Variants in ARHGEF10 observed in about 807,000 individuals in gnomAD.
The protein encoded by ARHGEF10 is Rho guanine nucleotide exchange factor (GEF) 10.
In ARHGEF10, 140 loss-of-function variants were observed where a neutral mutation model predicts 147.4. The ratio of observed to expected loss-of-function variants is 0.95; its 90% confidence interval spans 0.83 to 1.09. ARHGEF10 has a LOEUF of 1.09. ARHGEF10 is among the 50% of genes least tolerant of loss of function. The pLI is 0.00. For missense variants in ARHGEF10, 2,222 were observed against 1,752.7 expected, an observed-to-expected ratio of 1.27 and a Z score of -4.78; for synonymous variants, 902 against 695.8, an observed-to-expected ratio of 1.30 and a Z score of -4.67.
Position 1,921,628 on chromosome 8 carries a change from G to A in ARHGEF10, c.2144-1336G>A, listed in dbSNP as rs777459345. 9.9e-5 allele frequency among the ~76,000 whole-genome samples: 15 copies of A among 152,160 alleles called. 1 individual carries two copies. Among genetic ancestry groups the A allele is most frequent in the South Asian group, 2.1e-4 (1 of 4,822 alleles). ...AGGTGACTGTAGTCCCAGCTTATTCGGGAGGCTGAGGCAGGAGAATCGTTT... is the reference window on the plus strand; with the variant it reads ...AGGTGACTGTAGTCCCAGCTTATTCAGGAGGCTGAGGCAGGAGAATCGTTT... On this transcript the variant is annotated intron_variant, in intron 18 of 28. Coordinates refer to ENST00000349830, the MANE Select transcript of ARHGEF10 (RefSeq NM_014629.4).
At chr8:1,829,649 AG>A (rs1032853987) in intron 1 of ARHGEF10, among the ~76,000 whole-genome samples, 59 of 152,206 alleles carry the variant, frequency 3.9e-4, no homozygotes, top group African/African-American at 1.4e-3. Flanking sequence ...CTTGCAGAGC[AG>A]GGCTGAGGAG....
At chr8:1,924,916 C>T (rs1490276920) in intron 21 of ARHGEF10, among the ~76,000 whole-genome samples, 1 of 152,126 alleles carries the variant, frequency 6.6e-6, no homozygotes, top group Non-Finnish European at 1.5e-5. Flanking sequence ...CTCAGTACAT[C>T]TCTGGTATTT....
chr8:1,831,205 G>A (rs1199815366), intron 1 of ARHGEF10, among the ~76,000 whole-genome samples: 1 of 152,186 alleles, frequency 6.6e-6, no homozygotes, highest in African/African-American at 2.4e-5. Flanking sequence ...TCCATGGAGG[G>A]ACAGTGTGTG....
At chr8:1,931,028 G>T (rs150200865) in intron 25 of ARHGEF10, among the ~76,000 whole-genome samples, 3 of 152,364 alleles carry the variant, frequency 2.0e-5, no homozygotes, top group Non-Finnish European at 4.4e-5. Flanking sequence ...TCCATGGACG[G>T]TTTTGTGTCT....
intron 7 of ARHGEF10, chr8:1,876,311 C>T (rs890187846): frequency 3.7e-6 from 2 of 539,342 alleles, no homozygotes; most frequent in Admixed American, 3.2e-5. Context: ...CCAGGTGGTC[C>T]TCGGGGTACA....
chr8:1,931,084 G>C (rs1195050663), intron 25 of ARHGEF10, among the ~76,000 whole-genome samples: 1 of 152,162 alleles, frequency 6.6e-6, no homozygotes, highest in Non-Finnish European at 1.5e-5. Context: ...TCATTCACCT[G>C]TTGTCATAAC....
chr8:1,849,839 T>TG (rs1804904733), intron 2 of ARHGEF10, among the ~76,000 whole-genome samples: 1 of 29,296 alleles, frequency 3.4e-5, no homozygotes, highest in Admixed American at 3.8e-4. Context: ...GAGGAGGGCT[T>TG]GGGCGGCCAC....
At chr8:1,912,319 G>A (rs1395507948) in intron 18 of ARHGEF10, among the ~76,000 whole-genome samples, 2 of 152,066 alleles carry the variant, frequency 1.3e-5, no homozygotes, top group Non-Finnish European at 2.9e-5. Context: ...TGTGGATTGT[G>A]CATTTGCTGT....
intron 27 of ARHGEF10, among the ~76,000 whole-genome samples, chr8:1,950,615 C>A (rs1323886872): frequency 6.6e-6 from 1 of 151,960 alleles, no homozygotes; most frequent in African/African-American, 2.4e-5. Flanking sequence ...TCACTGCAAC[C>A]TCCGCCTCCC....
At chr8:1,930,980 C>G (rs1813094940) in intron 25 of ARHGEF10, among the ~76,000 whole-genome samples, 1 of 152,246 alleles carries the variant, frequency 6.6e-6, no homozygotes, top group Non-Finnish European at 1.5e-5. Context: ...GGATTCCGGT[C>G]TGCACCCCCT....
intron 15 of ARHGEF10, among the ~76,000 whole-genome samples, chr8:1,902,121 G>A (rs1394405882): frequency 6.6e-6 from 1 of 152,086 alleles, no homozygotes; most frequent in Non-Finnish European, 1.5e-5. Context: ...CGTGCATTAG[G>A]TATTTGTCTT....
intron 18 of ARHGEF10, among the ~76,000 whole-genome samples, chr8:1,914,584 C>G (rs1022600984): frequency 5.3e-5 from 8 of 152,242 alleles, no homozygotes; most frequent in Non-Finnish European, 1.2e-4. Context: ...AGGACAGGCA[C>G]AGCGGAAGCC....
intron 2 of ARHGEF10, 41 bp downstream of exon 2, chr8:1,843,477 C>G (rs771405596): frequency 9.9e-5 from 146 of 1,469,268 alleles, no homozygotes; most frequent in Non-Finnish European, 1.4e-4. Flanking sequence ...TCAGGTTGTG[C>G]TGCTGCTCTC....
At chr8:1,931,939 C>T (rs565902040) in intron 25 of ARHGEF10, among the ~76,000 whole-genome samples, 6 of 152,226 alleles carry the variant, frequency 3.9e-5, no homozygotes, top group South Asian at 2.1e-4. Flanking sequence ...AAACCTTAAC[C>T]GAGGGAAACG....
At position 1,913,216 on chromosome 8, in the gene ARHGEF10, C is replaced by A. The variant is rs1041986196; in HGVS notation, c.2143+3746C>A. Reference sequence around the variant, plus strand: ...GGAGAGGTGAGATCAGTTGCTCTAGCCGGGCTCTGGCCTTCAAGGGTGTTT... The same window carrying A: ...GGAGAGGTGAGATCAGTTGCTCTAGACGGGCTCTGGCCTTCAAGGGTGTTT... On this transcript the variant is annotated intron_variant, in intron 18 of 28. Coordinates refer to ENST00000349830, the MANE Select transcript of ARHGEF10 (RefSeq NM_014629.4). 2.0e-5 allele frequency among the ~76,000 whole-genome samples: 3 copies of A among 152,066 alleles called. No homozygotes were observed. The East Asian group carries it at 5.8e-4, about 29-fold the overall frequency.
At chr8:1,864,574 C>G in intron 5 of ARHGEF10, 138 bp downstream of exon 5, 1 of 828,638 alleles carries the variant, frequency 1.2e-6, no homozygotes, top group Non-Finnish European at 2.1e-6. Context: ...CACCTCCTGC[C>G]TCGGGTCCCT....
intron 14 of ARHGEF10, 134 bp from the exon 15 acceptor site, chr8:1,898,296 TTTC>T (rs1810176156): frequency 2.6e-6 from 2 of 781,530 alleles, no homozygotes; most frequent in South Asian, 1.5e-5. Flanking sequence ...TTTGGCCAAG[TTTC>T]TTCTTGTAGC....
chr8:1,905,857 A>G (rs960895134), intron 17 of ARHGEF10, 141 bp downstream of exon 17: 1 of 1,015,294 alleles, frequency 9.8e-7, no homozygotes, highest in Non-Finnish European at 1.5e-6. Context: ...GACTAAGGGA[A>G]CCCTTATAAT....
intron 27 of ARHGEF10, among the ~76,000 whole-genome samples, chr8:1,947,359 T>C (rs1814676528): frequency 6.6e-6 from 1 of 152,122 alleles, no homozygotes; most frequent in African/African-American, 2.4e-5. Flanking sequence ...TTACCCTGGT[T>C]TCAGAGTTCC....
Sources: gnomAD v4.1 joint callset for allele counts (sites outside exome capture counted in the v4.1 genomes callset) on GRCh38, gnomAD v4.1.1 for gene constraint, MANE v1.5 for transcripts, NCBI Gene and HGNC (gene_info 2026-07-23, HGNC 2026-07-21) for gene names.